Variants in TRIP4 observed in about 807,000 individuals in gnomAD.
The protein encoded by TRIP4 is thyroid hormone receptor interactor 4, also known as activating signal cointegrator 1.
In TRIP4, 54 loss-of-function variants were observed where a neutral mutation model predicts 81.8. The observed-to-expected ratio is 0.66, with a 90% CI of 0.53 to 0.83. The LOEUF is 0.83. TRIP4 is among the 40% of genes least tolerant of loss of function. TRIP4 has a pLI of 0.00. For missense variants in TRIP4, 662 were observed against 683.6 expected, an observed-to-expected ratio of 0.97 and a Z score of 0.35; for synonymous variants, 270 against 242.8, an observed-to-expected ratio of 1.11 and a Z score of -1.04.
In TRIP4 at chr15:64,397,830, CTT is replaced by C; in HGVS notation, c.618+15_618+16del. On this transcript the variant is annotated intron_variant, in intron 4 of 12. Coordinates refer to ENST00000261884, the MANE Select transcript of TRIP4 (RefSeq NM_016213.5). ...TCTGTGGCACTCTGGTAAATTATTTCTTTTCTATTTTATTTTACTGTGCTTTG... is the reference window on the plus strand; with the variant it reads ...TCTGTGGCACTCTGGTAAATTATTTCTTCTATTTTATTTTACTGTGCTTTG... 1 of 1,612,952 alleles carries C rather than the reference CTT, an allele frequency of 6.2e-7. No homozygotes were observed. The highest frequency in any genetic ancestry group is 8.5e-7 in the Non-Finnish European group (1 of 1,179,244).
At chr15:64,423,448 C>G (rs536382389) in intron 9 of TRIP4, among the ~76,000 whole-genome samples, 4 of 103,730 alleles carry the variant, frequency 3.9e-5, no homozygotes, top group Non-Finnish European at 3.4e-5. Context: ...GGCAACAGAG[C>G]GAGACTCCGT....
At chr15:64,431,847 A>ATATTTTTTTTTTTTTTTTTTTT in intron 11 of TRIP4, among the ~76,000 whole-genome samples, 2 of 119,556 alleles carry the variant, frequency 1.7e-5, no homozygotes, top group African/African-American at 6.5e-5. Flanking sequence ...ATATATATAT[A>ATATTTTTTTTTTTTTTTTTTTT]TTTTTTTTAT....
chr15:64,444,953 A>G (rs1483933075), intron 11 of TRIP4, 53 bp from the exon 12 acceptor site: 2 of 979,374 alleles, frequency 2.0e-6, no homozygotes, highest in Non-Finnish European at 3.2e-6. Flanking sequence ...TGTTCTCCTT[A>G]AATTCAAAGC....
intron 8 of TRIP4, 50 bp from the exon 9 acceptor site, chr15:64,418,491 C>T (rs762434687): frequency 1.5e-5 from 22 of 1,513,154 alleles, no homozygotes; most frequent in Non-Finnish European, 1.7e-5. Flanking sequence ...TCTACCTACC[C>T]CAGATTCTTG....
At chr15:64,448,495 ACT>A (rs1892683311) in intron 12 of TRIP4, among the ~76,000 whole-genome samples, 1 of 152,074 alleles carries the variant, frequency 6.6e-6, no homozygotes, top group African/African-American at 2.4e-5. Flanking sequence ...ATGGGGTCTC[ACT>A]CTGTTATCCA....
intron 10 of TRIP4, among the ~76,000 whole-genome samples, chr15:64,425,040 G>T (rs1261100341): frequency 6.6e-6 from 1 of 152,188 alleles, no homozygotes; most frequent in Non-Finnish European, 1.5e-5. Context: ...GCCTCCAAAA[G>T]TGCTGGGGTT....
At chr15:64,404,519 C>A (rs1014448434) in intron 5 of TRIP4, among the ~76,000 whole-genome samples, 1 of 151,868 alleles carries the variant, frequency 6.6e-6, no homozygotes, top group African/African-American at 2.4e-5. Context: ...CAGGGTTTTG[C>A]CATGTTGGCC....
rs773528371 is a variant in TRIP4 at position 64,395,468 on chromosome 15, A to G, written c.342A>G (p.Glu114=). 8.1e-6 allele frequency: 13 copies of G among 1,613,894 alleles called. No individual in the cohort carries two copies. The African/African-American group carries it at 9.3e-5, about 12-fold the overall frequency. Residue 114 remains glutamate (E), a synonymous_variant, in exon 3 of 13, where the codon GAA becomes GAG. Coordinates refer to ENST00000261884, the MANE Select transcript of TRIP4 (RefSeq NM_016213.5). ...GGAAGAAAGGGAGAAACAGACAGGAAGTTCCTGCATTTACTGAACCTGACA... is the reference window on the plus strand; with the variant it reads ...GGAAGAAAGGGAGAAACAGACAGGAGGTTCCTGCATTTACTGAACCTGACA... ...RGRKKGRNRQ[E]VPAFTEPDTT...
At chr15:64,446,522 AC>A (rs1216800099) in intron 12 of TRIP4, among the ~76,000 whole-genome samples, 1 of 146,394 alleles carries the variant, frequency 6.8e-6, no homozygotes, top group Non-Finnish European at 1.5e-5. Flanking sequence ...CTCCTGCCTC[AC>A]CCTCCCGAGT....
chr15:64,395,283 T>A (rs1900254961), intron 2 of TRIP4, 115 bp from the exon 3 acceptor site: 1 of 813,042 alleles, frequency 1.2e-6, no homozygotes, highest in Non-Finnish European at 1.7e-6. Context: ...ATCTTCCTGA[T>A]GATATCTTGA....
intron 1 of TRIP4, 159 bp from the exon 2 acceptor site, chr15:64,393,787 G>A: frequency 1.8e-6 from 1 of 558,898 alleles, no homozygotes; most frequent in South Asian, 5.8e-5. Flanking sequence ...ATACCAGTTA[G>A]GATCGTATCG....
intron 5 of TRIP4, among the ~76,000 whole-genome samples, chr15:64,402,323 A>G (rs941778840): frequency 2.0e-5 from 3 of 150,938 alleles, no homozygotes; most frequent in South Asian, 4.2e-4. Context: ...CCCAGGTTCA[A>G]GCGATTCTTC....
At chr15:64,411,987 G>T (rs1183702819) in intron 7 of TRIP4, among the ~76,000 whole-genome samples, 1 of 152,016 alleles carries the variant, frequency 6.6e-6, no homozygotes. Flanking sequence ...GCACTAAATT[G>T]TGCATACTTT....
In TRIP4 at chr15:64,414,191, A is replaced by G; in HGVS notation, c.1150A>G (p.Met384Val). Residue 384 changes from methionine to valine, a missense_variant, in exon 8 of 13, where the codon ATG becomes GTG. Physicochemically the swap from Met to Val is conservative, Grantham distance 21. Transcript: ENST00000261884. ...EPLGVLVNPNMYQSPPQWVDH... is the reference protein window; with the variant it reads ...EPLGVLVNPNVYQSPPQWVDH... ...TTTGGGAGTTCTGGTAAATCCCAAC[A>G]TGTACCAGTCCCCTCCCCAGGTTAG... The G allele has an allele frequency of 6.2e-7, 1 of 1,614,096 alleles. No homozygotes were observed. The highest frequency in any genetic ancestry group is 8.5e-7 in the Non-Finnish European group (1 of 1,179,998).
chr15:64,390,828 G>C (rs1462628686), intron 1 of TRIP4, among the ~76,000 whole-genome samples: 1 of 151,886 alleles, frequency 6.6e-6, no homozygotes, highest in Admixed American at 6.6e-5. Context: ...CCAGGAGGCA[G>C]AGGTTGCAGT....
chr15:64,454,273 T>G (rs1892836812), intron 12 of TRIP4, among the ~76,000 whole-genome samples: 2 of 152,262 alleles, frequency 1.3e-5, no homozygotes, highest in South Asian at 4.1e-4. Context: ...AGGAATTCTC[T>G]TAAGATTCTC....
intron 12 of TRIP4, 95 bp from the exon 13 acceptor site, chr15:64,454,902 A>G (rs1892851415): frequency 9.2e-7 from 1 of 1,089,578 alleles, no homozygotes. Flanking sequence ...ATTGAATGTG[A>G]CAGGAACACA....
At chr15:64,425,864 A>G (rs1892131495) in intron 11 of TRIP4, among the ~76,000 whole-genome samples, 1 of 152,198 alleles carries the variant, frequency 6.6e-6, no homozygotes, top group African/African-American at 2.4e-5. Context: ...CAGGTGGATC[A>G]CAAGGTCAGG....
chr15:64,447,869 G>T (rs778211356), intron 12 of TRIP4, among the ~76,000 whole-genome samples: 1 of 152,180 alleles, frequency 6.6e-6, no homozygotes, highest in South Asian at 2.1e-4. Flanking sequence ...GTGCCACCAC[G>T]CCCAGATAAT....
Sources: allele counts gnomAD v4.1 joint callset (sites outside exome capture counted in the v4.1 genomes callset), GRCh38; gene constraint gnomAD v4.1.1; transcripts MANE v1.5; gene names NCBI Gene and HGNC (gene_info 2026-07-23, HGNC 2026-07-21).